Variants in RABL3 observed in about 807,000 individuals in gnomAD.
The protein encoded by RABL3 is rab-like protein 3.
RABL3 carries 31 observed loss-of-function variants against 31.8 expected under a neutral mutation model. That is an observed-to-expected ratio of 0.97 (90% confidence interval 0.73 to 1.31). RABL3 has a LOEUF of 1.31. Ranked by LOEUF, RABL3 falls within the 40% of genes most tolerant of loss-of-function variation. RABL3 has a pLI of 0.00. For synonymous variants in RABL3, 97 were observed against 99.9 expected (o/e 0.97, Z 0.18); for missense variants, 263 against 279.6 (o/e 0.94, Z 0.42).
chr3:120,698,643 C>T, intron 4 of RABL3, 70 bp from the exon 5 acceptor site: 8 of 1,274,148 alleles, frequency 6.3e-6, no homozygotes, highest in Admixed American at 2.3e-5. Flanking sequence ...TATTTAAGTG[C>T]AACTAAGTTA....
At chr3:120,723,126 A>T (rs1295624870) in intron 2 of RABL3, among the ~76,000 whole-genome samples, 4 of 152,248 alleles carry the variant, frequency 2.6e-5, no homozygotes, top group Non-Finnish European at 5.9e-5. Flanking sequence ...ATCACCACCG[A>T]TCCCACAGAA....
At chr3:120,711,185 G>A (rs1708609191) in intron 2 of RABL3, among the ~76,000 whole-genome samples, 1 of 151,990 alleles carries the variant, frequency 6.6e-6, no homozygotes, top group Admixed American at 6.6e-5. Context: ...GTGTCTCAAG[G>A]TTTAGTTCTT....
At chr3:120,730,847 A>C in intron 1 of RABL3, 60 bp from the exon 2 acceptor site, 1 of 1,080,774 alleles carries the variant, frequency 9.3e-7, no homozygotes, top group South Asian at 1.3e-5. Flanking sequence ...TGTTTTGGAA[A>C]GAGTAAGACT....
intron 2 of RABL3, among the ~76,000 whole-genome samples, chr3:120,725,998 TA>T (rs1232137587): frequency 3.9e-5 from 6 of 152,138 alleles, no homozygotes; most frequent in Non-Finnish European, 8.8e-5. Context: ...AACATTTTTT[TA>T]TGGAGGCGGG....
At chr3:120,707,543 T>C (rs1708562965) in intron 3 of RABL3, among the ~76,000 whole-genome samples, 1 of 152,152 alleles carries the variant, frequency 6.6e-6, no homozygotes, top group South Asian at 2.1e-4. Flanking sequence ...GAGTAACTTG[T>C]CCTTGGGCAC....
At chr3:120,728,140 C>T (rs1006602921) in intron 2 of RABL3, among the ~76,000 whole-genome samples, 3 of 151,942 alleles carry the variant, frequency 2.0e-5, no homozygotes, top group Non-Finnish European at 4.4e-5. Context: ...ATAGAATGGG[C>T]ACTGGGTGGG....
At chr3:120,731,679 T>C (rs906354737) in intron 1 of RABL3, among the ~76,000 whole-genome samples, 2 of 152,174 alleles carry the variant, frequency 1.3e-5, no homozygotes, top group Non-Finnish European at 2.9e-5. Context: ...AAAATTTAGA[T>C]CATCTCTTTG....
intron 6 of RABL3, among the ~76,000 whole-genome samples, chr3:120,693,028 A>C (rs1708398038): frequency 6.6e-6 from 1 of 152,180 alleles, no homozygotes; most frequent in South Asian, 2.1e-4. Context: ...TTTTCATGTC[A>C]TGGCACACGT....
At chr3:120,698,035 ATGCC>A (rs1488711160) in intron 5 of RABL3, among the ~76,000 whole-genome samples, 4 of 152,116 alleles carry the variant, frequency 2.6e-5, no homozygotes, top group Admixed American at 1.3e-4. Flanking sequence ...ATGGTGGTAC[ATGCC>A]TGTAATCCCA....
In RABL3 at chr3:120,730,710, A is replaced by G. The variant is rs774786937; in HGVS notation, c.124T>C (p.Ser42Pro). Residue 42 changes from serine to proline, a missense_variant, in exon 2 of 8, where the codon TCA (serine) becomes CCA (proline). Physicochemically the swap from Ser to Pro is moderately conservative, Grantham distance 74 (BLOSUM62 -1). Coordinates refer to ENST00000273375, the MANE Select transcript of RABL3 (RefSeq NM_173825.5). ...LGNPSWTVGC[S>P]VDVRVHDYKE... ...AAGACACATACTCTGACATCCACTGAGCAGCCCACAGTCCATGATGGATTT... is the reference window on the plus strand; with the variant it reads ...AAGACACATACTCTGACATCCACTGGGCAGCCCACAGTCCATGATGGATTT... 6.2e-7 allele frequency: 1 copy of G among 1,612,596 alleles called. No individual in the cohort carries two copies. Among genetic ancestry groups the G allele is most frequent in the Non-Finnish European group, 8.5e-7 (1 of 1,178,856 alleles).
Position 120,689,190 on chromosome 3 carries a change from A to G in RABL3, c.*633T>C, listed in dbSNP as rs1036038136. On this transcript the variant is annotated 3_prime_UTR_variant, in exon 8 of 8. Coordinates refer to ENST00000273375, the MANE Select transcript of RABL3 (RefSeq NM_173825.5). The stretch of plus-strand genomic sequence containing the variant: ...GTATTGCTGTTCTCTATGTATTATT[A>G]ATTTGTATTTATATTTAACTCTGGC... 2.0e-5 allele frequency: 3 copies of G among 152,122 alleles called. No individual in the cohort carries two copies. Among genetic ancestry groups the G allele is most frequent in the Non-Finnish European group, 4.4e-5 (3 of 68,016 alleles). 9.4% of individuals were successfully genotyped at this position (152,122 alleles called of 1,614,324 possible).
At chr3:120,706,137 T>A (rs752464372) in intron 3 of RABL3, 23 bp from the exon 4 acceptor site, 2 of 1,417,898 alleles carry the variant, frequency 1.4e-6, no homozygotes, top group Non-Finnish European at 2.0e-6. Context: ...GAGAAAACAA[T>A]GTTAATCCCT....
rs1194407043 is a variant in RABL3, at chr3:120,688,084, C to T, written c.*1739G>A. 2 of 151,844 alleles carry T rather than the reference C, an allele frequency of 1.3e-5. No homozygotes were observed. The highest frequency in any genetic ancestry group is 2.9e-5 in the Non-Finnish European group (2 of 67,986). The allele number at this position is 151,844 out of a possible 1,614,324, so 9.4% of individuals were successfully genotyped here. A position where few individuals can be genotyped will look rare whatever the true frequency, so the allele number is the denominator to read the frequency against. ...GGGATTAAAGGTGTGAGCCACCGCG[C>T]CTGGCCTATTTTTATTTTTTAAATA... On this transcript the variant is annotated 3_prime_UTR_variant, in exon 8 of 8. Coordinates refer to ENST00000273375, the MANE Select transcript of RABL3 (RefSeq NM_173825.5).
chr3:120,736,721 A>G (rs1456194539), intron 1 of RABL3, among the ~76,000 whole-genome samples: 3 of 152,158 alleles, frequency 2.0e-5, no homozygotes, highest in Non-Finnish European at 4.4e-5. Context: ...CTTTTAGGGC[A>G]GGCCTGGTGG....
intron 1 of RABL3, among the ~76,000 whole-genome samples, chr3:120,738,009 A>C (rs1670700790): frequency 6.6e-6 from 1 of 152,190 alleles, no homozygotes; most frequent in Admixed American, 6.5e-5. Context: ...GTCTGTTCTC[A>C]AACTCTGTGC....
chr3:120,715,051 T>C (rs970233415), intron 2 of RABL3, among the ~76,000 whole-genome samples: 4 of 152,244 alleles, frequency 2.6e-5, no homozygotes, highest in African/African-American at 9.6e-5. Context: ...TGTCCAGAAC[T>C]GAACTTACTA....
chr3:120,718,012 A>G (rs1478961611), intron 2 of RABL3, among the ~76,000 whole-genome samples: 1 of 152,152 alleles, frequency 6.6e-6, no homozygotes, highest in East Asian at 1.9e-4. Context: ...CTGTTACTAT[A>G]CATATTGGGT....
At chr3:120,742,300 G>T (rs1709055334) in intron 1 of RABL3, among the ~76,000 whole-genome samples, 162 bp downstream of exon 1, 1 of 152,066 alleles carries the variant, frequency 6.6e-6, no homozygotes, top group African/African-American at 2.4e-5. Context: ...CCACCGCGTC[G>T]TCACACGGAG....
intron 1 of RABL3, among the ~76,000 whole-genome samples, chr3:120,737,368 C>A (rs547831028): frequency 2.0e-5 from 3 of 152,346 alleles, no homozygotes; most frequent in African/African-American, 7.2e-5. Context: ...TGGTTTTCAG[C>A]TCCAACAGGT....
Sources: allele counts gnomAD v4.1 joint callset (sites outside exome capture counted in the v4.1 genomes callset), GRCh38; gene constraint gnomAD v4.1.1; transcripts MANE v1.5; gene names NCBI Gene and HGNC (gene_info 2026-07-23, HGNC 2026-07-21).